TAFA2: variants seen among roughly 807,000 people sequenced by gnomAD.
TAFA2 encodes chemokine-like protein TAFA-2.
TAFA2 carries 7 observed loss-of-function variants against 18.8 expected under a neutral mutation model. The ratio of observed to expected loss-of-function variants is 0.37; its 90% CI spans 0.21 to 0.70. The LOEUF (loss-of-function observed/expected upper bound fraction) is 0.70, where lower values mean the gene tolerates loss of function less well. Among genes scored for constraint, TAFA2 ranks in the 30% least tolerant of loss-of-function variants. TAFA2 has a pLI of 0.53. For synonymous variants in TAFA2, 60 were observed against 54.2 expected, an observed-to-expected ratio of 1.11 and a Z score of -0.47; for missense variants, 122 against 158.1, an observed-to-expected ratio of 0.77 and a Z score of 1.23.
At chr12:61,955,433 C>T (rs1285707987) in intron 1 of TAFA2, among the ~76,000 whole-genome samples, 3 of 150,222 alleles carry the variant, frequency 2.0e-5, no homozygotes, top group Non-Finnish European at 4.4e-5. Context: ...GAAACCCCGT[C>T]TCTATTAAAA....
rs542443134 is a variant in TAFA2 at position 61,907,235 on chromosome 12, C to A, written c.-1-39809G>T. Among the ~76,000 whole-genome samples the A allele has an allele frequency of 5.9e-5, 9 of 152,326 alleles. No individual in the cohort carries two copies. In the South Asian group the frequency reaches 1.9e-3, roughly 32 times the overall value. ...ACATTCTGCACAGGCCCTCCCATCA[C>A]AGGACTGGAGGCCTGGGAGAAAAAG... On this transcript the variant is annotated intron_variant, in intron 1 of 4. Transcript: ENST00000416284.
At chr12:62,257,199 T>TGTGTGTGTGTGTGTGA in intron 1 of TAFA2, among the ~76,000 whole-genome samples, 1 of 104,332 alleles carries the variant, frequency 9.6e-6, no homozygotes, top group African/African-American at 3.6e-5. Context: ...TGTGTGTGTG[T>TGTGTGTGTGTGTGTGA]GTGATTTGCT....
intron 1 of TAFA2, among the ~76,000 whole-genome samples, chr12:62,152,732 C>T (rs995690032): frequency 7.9e-5 from 12 of 152,178 alleles, no homozygotes; most frequent in African/African-American, 2.9e-4. Flanking sequence ...GCCCAAATCA[C>T]CAGCATTATT....
intron 2 of TAFA2, among the ~76,000 whole-genome samples, chr12:61,802,473 G>T (rs1871438774): frequency 6.6e-6 from 1 of 152,028 alleles, no homozygotes; most frequent in Non-Finnish European, 1.5e-5. Context: ...GGATGAGCCT[G>T]GAAGACATGT....
At chr12:62,147,663 G>T (rs2062295406) in intron 1 of TAFA2, among the ~76,000 whole-genome samples, 1 of 147,644 alleles carries the variant, frequency 6.8e-6, no homozygotes, top group Non-Finnish European at 1.5e-5. Context: ...CCGGGAGGCG[G>T]AGCTTGCAGT....
chr12:61,975,543 G>GTGTGTGTGTGTGTGTGTA (rs1237559954), intron 1 of TAFA2, among the ~76,000 whole-genome samples: 7 of 151,334 alleles, frequency 4.6e-5, no homozygotes, highest in African/African-American at 7.3e-5. Flanking sequence ...GTGTGTGTGT[G>GTGTGTGTGTGTGTGTGTA]TATCCCAATT....
In TAFA2 at chr12:62,020,285, G is replaced by A. The variant is rs1302485202; in HGVS notation, c.-1-152859C>T. On this transcript the variant is annotated intron_variant, in intron 1 of 4. Transcript: ENST00000416284. Reference sequence around the variant, plus strand: ...GCCACACTAGTATTATCATACCAATGCCCCACAGAAACACAGAGGGAATAT... The same window carrying A: ...GCCACACTAGTATTATCATACCAATACCCCACAGAAACACAGAGGGAATAT... Among the ~76,000 whole-genome samples, 5 of 152,238 alleles carry A rather than the reference G, an allele frequency of 3.3e-5. No homozygotes were observed. In the East Asian group the frequency reaches 9.6e-4, roughly 29 times the overall value.
intron 1 of TAFA2, among the ~76,000 whole-genome samples, chr12:62,154,652 A>G (rs1467644104): frequency 1.3e-5 from 2 of 148,424 alleles, no homozygotes; most frequent in African/African-American, 5.0e-5. Context: ...ACTAAGTGTT[A>G]TACCATTTTC....
chr12:61,749,056 A>G (rs1868874601), intron 4 of TAFA2, among the ~76,000 whole-genome samples: 1 of 151,760 alleles, frequency 6.6e-6, no homozygotes, highest in Non-Finnish European at 1.5e-5. Context: ...ACTTGAGGCC[A>G]GGAGTCAGAG....
intron 1 of TAFA2, among the ~76,000 whole-genome samples, chr12:61,883,807 T>C (rs1454310801): frequency 6.6e-6 from 1 of 152,128 alleles, no homozygotes; most frequent in African/African-American, 2.4e-5. Context: ...AGTTTTTCCA[T>C]CTATGAAATA....
At chr12:62,027,165 T>C (rs559002322) in intron 1 of TAFA2, among the ~76,000 whole-genome samples, 1 of 152,282 alleles carries the variant, frequency 6.6e-6, no homozygotes, top group South Asian at 2.1e-4. Flanking sequence ...TAATTTAAAA[T>C]ATGTAAATGA....
At chr12:61,796,613 C>A (rs988541290) in intron 2 of TAFA2, among the ~76,000 whole-genome samples, 7 of 151,988 alleles carry the variant, frequency 4.6e-5, no homozygotes, top group Admixed American at 2.0e-4. Context: ...AACATTAATT[C>A]TCATGATCTA....
chr12:61,992,514 T>C (rs1456366352), intron 1 of TAFA2, among the ~76,000 whole-genome samples: 2 of 152,188 alleles, frequency 1.3e-5, no homozygotes, highest in African/African-American at 4.8e-5. Context: ...CTTTCCCTAC[T>C]GTTTGTTCCT....
chr12:62,032,327 C>A (rs1881481489), intron 1 of TAFA2, among the ~76,000 whole-genome samples: 2 of 152,226 alleles, frequency 1.3e-5, no homozygotes, highest in South Asian at 4.1e-4. Context: ...AATTTCTCTG[C>A]TAAAATCCAG....
intron 1 of TAFA2, among the ~76,000 whole-genome samples, chr12:62,153,032 T>TA (rs1414062947): frequency 6.6e-6 from 1 of 152,114 alleles, no homozygotes; most frequent in Non-Finnish European, 1.5e-5. Flanking sequence ...GCTTTTGGCA[T>TA]AAAAAAGACA....
At chr12:62,112,301 T>C (rs1869768609) in intron 1 of TAFA2, among the ~76,000 whole-genome samples, 1 of 152,208 alleles carries the variant, frequency 6.6e-6, no homozygotes, top group Admixed American at 6.5e-5. Context: ...TCTTTAAGAA[T>C]GTTGAATATT....
At chr12:61,986,630 C>A (rs931874878) in intron 1 of TAFA2, among the ~76,000 whole-genome samples, 1 of 148,954 alleles carries the variant, frequency 6.7e-6, no homozygotes, top group Non-Finnish European at 1.5e-5. Context: ...AAAAGTCTAT[C>A]ATTTACTGGC....
intron 1 of TAFA2, among the ~76,000 whole-genome samples, chr12:61,910,799 T>C (rs1876577618): frequency 1.3e-5 from 2 of 152,230 alleles, no homozygotes. Flanking sequence ...AGTCCTATTC[T>C]AATTAATTAG....
At chr12:62,043,739 G>A (rs74569420) in intron 1 of TAFA2, among the ~76,000 whole-genome samples, 4,908 of 152,108 alleles carry the variant, frequency 0.032, 262 homozygotes, top group African/African-American at 0.11. Flanking sequence ...GATCTTCAAA[G>A]GTAAGAATTA....
Sources: gnomAD v4.1 joint callset for allele counts (sites outside exome capture counted in the v4.1 genomes callset) on GRCh38, gnomAD v4.1.1 for gene constraint, MANE v1.5 for transcripts, NCBI Gene and HGNC (gene_info 2026-07-23, HGNC 2026-07-21) for gene names.